The following COL28A1 variants were observed in gnomAD, a reference collection of about 807,000 sequenced individuals.
The protein encoded by COL28A1 is collagen type XXVIII alpha 1 chain.
COL28A1 carries 161 observed loss-of-function variants against 150.2 expected under a neutral mutation model. The ratio of observed to expected loss-of-function variants is 1.07; its 90% confidence interval spans 0.94 to 1.22. The LOEUF (loss-of-function observed/expected upper bound fraction) is 1.22. Ranked by LOEUF, COL28A1 falls within the 50% of genes most tolerant of loss-of-function variation. COL28A1 has a pLI of 0.00. For missense variants in COL28A1, 1,617 were observed against 1,388.3 expected, an observed-to-expected ratio of 1.16 and a Z score of -2.62; for synonymous variants, 552 against 469.7, an observed-to-expected ratio of 1.18 and a Z score of -2.26.
chr7:7,380,949 T>C (rs1388348548), intron 28 of COL28A1, 87 bp from the exon 29 acceptor site: 3 of 1,130,570 alleles, frequency 2.7e-6, no homozygotes, highest in Non-Finnish European at 2.6e-6. Context: ...TATCTGCAAC[T>C]GGCATCTCTT....
Position 7,507,116 on chromosome 7 carries a change from C to T in COL28A1, c.972+1G>A. The T allele has an allele frequency of 1.6e-6, 2 of 1,231,028 alleles. No individual in the cohort carries two copies. The highest frequency in any genetic ancestry group is 2.4e-6 in the Non-Finnish European group (2 of 831,568). The allele number at this position is 1,231,028 out of a possible 1,614,324, so 76.3% of individuals were successfully genotyped here. On this transcript the variant is annotated splice_donor_variant, in intron 10 of 34. Transcript: ENST00000399429. LOFTEE classifies it high-confidence loss of function. ...CTTAGATTTGGTTTTAACCCCCTTA[C>T]CTGAATTCCTCTGGGTCCCTTTGGT...
Position 7,419,927 on chromosome 7 carries a change from T to C in COL28A1, c.2025A>G (p.Pro675=), listed in dbSNP as rs377756777. The C allele has an allele frequency of 1.2e-6, 2 of 1,602,582 alleles. No homozygotes were observed. The highest frequency in any genetic ancestry group is 1.7e-6 in the Non-Finnish European group (2 of 1,175,006). The change falls in exon 26 of 35, where the codon CCA becomes CCG. Residue 675 remains proline, a synonymous_variant. Coordinates refer to ENST00000399429, the MANE Select transcript of COL28A1 (RefSeq NM_001037763.3). Reference sequence around the variant, plus strand: ...CTACGCCCCGAGGCCCAGAAGGACCTGGAGGGCCTCTGACCCCAGGCTCTC... The same window carrying C: ...CTACGCCCCGAGGCCCAGAAGGACCCGGAGGGCCTCTGACCCCAGGCTCTC... ...AKGEPGVRGP[P]GPSGPRGVGT...
intron 13 of COL28A1, among the ~76,000 whole-genome samples, chr7:7,482,347 A>G (rs1448507355): frequency 2.0e-5 from 3 of 152,110 alleles, no homozygotes; most frequent in Non-Finnish European, 2.9e-5. Context: ...CAACATGGTG[A>G]AAACCCATCT....
chr7:7,354,017 G>A (rs971406168), downstream of COL28A1, among the ~76,000 whole-genome samples: 1 of 148,290 alleles, frequency 6.7e-6, no homozygotes, highest in Non-Finnish European at 1.5e-5. Context: ...AGAAGATAAA[G>A]GAGAAAAAAA....
chr7:7,490,428 T>C (rs990531372), intron 12 of COL28A1, 150 bp downstream of exon 12: 6 of 462,350 alleles, frequency 1.3e-5, no homozygotes, highest in Middle Eastern at 9.6e-4. Flanking sequence ...GACAAGCACA[T>C]TTCTGTGTCC....
intron 27 of COL28A1, among the ~76,000 whole-genome samples, chr7:7,397,563 TATC>T: frequency 6.6e-6 from 1 of 152,336 alleles, no homozygotes; most frequent in East Asian, 1.9e-4. Flanking sequence ...ATTTAGATCA[TATC>T]ATGAATATGT....
intron 1 of COL28A1, among the ~76,000 whole-genome samples, chr7:7,534,851 G>A (rs946388415): frequency 6.6e-6 from 1 of 151,928 alleles, no homozygotes; most frequent in African/African-American, 2.4e-5. Context: ...TGTTAATCTA[G>A]CTCTCCCAAA....
chr7:7,452,281 T>C, intron 18 of COL28A1, 38 bp downstream of exon 18: 2 of 1,588,074 alleles, frequency 1.3e-6, no homozygotes, highest in Non-Finnish European at 1.7e-6. Context: ...TAATGTTACA[T>C]AAAGTATCAT....
chr7:7,482,428 G>C, intron 13 of COL28A1, among the ~76,000 whole-genome samples: 1 of 151,882 alleles, frequency 6.6e-6, no homozygotes, highest in African/African-American at 2.4e-5. Context: ...GGGAGGGTGA[G>C]GCAGGAGAAT....
At chr7:7,393,991 C>T (rs536764711) in intron 27 of COL28A1, among the ~76,000 whole-genome samples, 5 of 150,576 alleles carry the variant, frequency 3.3e-5, no homozygotes, top group African/African-American at 1.2e-4. Flanking sequence ...AAAAAAAACA[C>T]TCCTGCAGCT....
intron 7 of COL28A1, 64 bp downstream of exon 7, chr7:7,517,732 G>A: frequency 6.2e-7 from 1 of 1,610,698 alleles, no homozygotes; most frequent in South Asian, 1.1e-5. Flanking sequence ...GGTCAAAATG[G>A]TCAACCACAA....
chr7:7,360,390 C>G lies in COL28A1; in HGVS notation c.3205G>C (p.Asp1069His). ...LLSTPVDGAE[D>H]PRCLEALKPG... ...GGACTTGGAGTTCTGGTTTACCTAC[C>G]CTCTGCCCCATCCACAGGGGTGCTG... The change falls in exon 34 of 35, where the codon GAT becomes CAT. Residue 1069 changes from aspartate to histidine, a missense_variant and splice_region_variant. Asp to His is a moderately conservative substitution (Grantham distance 81). Transcript: ENST00000399429. 6.4e-7 allele frequency: 1 copy of G among 1,568,066 alleles called. No individual in the cohort carries two copies. The highest frequency in any genetic ancestry group is 2.1e-5 in the Admixed American group (1 of 46,918).
chr7:7,473,101 C>T (rs1450812490), intron 15 of COL28A1, among the ~76,000 whole-genome samples: 1 of 152,150 alleles, frequency 6.6e-6, no homozygotes, highest in Non-Finnish European at 1.5e-5. Flanking sequence ...AAAAACTCTT[C>T]TAGACATTGG....
chr7:7,441,368 C>G (rs1785775144), intron 20 of COL28A1, among the ~76,000 whole-genome samples: 2 of 151,874 alleles, frequency 1.3e-5, no homozygotes, highest in Non-Finnish European at 2.9e-5. Flanking sequence ...TGAGCATTAA[C>G]CTGGGGCAGA....
chr7:7,348,427 A>T, the COL28A1 span, among the ~76,000 whole-genome samples: 2 of 152,152 alleles, frequency 1.3e-5, no homozygotes, highest in East Asian at 1.9e-4. Flanking sequence ...TGCCAAGCTC[A>T]TAAGAGATCT....
intron 3 of COL28A1, among the ~76,000 whole-genome samples, chr7:7,525,958 C>A (rs949341606): frequency 2.0e-5 from 3 of 152,196 alleles, no homozygotes; most frequent in Admixed American, 2.0e-4. Context: ...CCCCTCCCAA[C>A]CAAACGATTT....
chr7:7,396,606 A>G (rs1033412508), intron 27 of COL28A1, among the ~76,000 whole-genome samples: 55 of 152,206 alleles, frequency 3.6e-4, no homozygotes, highest in African/African-American at 1.3e-3. Context: ...TGCTTGTTCA[A>G]TAAAGCACCC....
At chr7:7,500,795 T>C (rs1042531052) in intron 11 of COL28A1, among the ~76,000 whole-genome samples, 1 of 152,190 alleles carries the variant, frequency 6.6e-6, no homozygotes, top group Non-Finnish European at 1.5e-5. Context: ...CTGAAAAATA[T>C]ATCCTTTGCT....
At chr7:7,389,940 G>A (rs1236997688) in intron 27 of COL28A1, among the ~76,000 whole-genome samples, 4 of 151,648 alleles carry the variant, frequency 2.6e-5, no homozygotes, top group African/African-American at 9.7e-5. Context: ...GTCATCTGTA[G>A]GGACAATTTG....
Sources: allele counts gnomAD v4.1 joint callset (sites outside exome capture counted in the v4.1 genomes callset), GRCh38; gene constraint gnomAD v4.1.1; transcripts MANE v1.5; gene names NCBI Gene and HGNC (gene_info 2026-07-23, HGNC 2026-07-21).